The following CCDC82 variants were observed in gnomAD, a reference collection of about 807,000 sequenced individuals.
CCDC82 encodes the protein coiled-coil domain containing 82, also known as coiled-coil domain-containing protein 82.
Under a neutral mutation model 60.6 loss-of-function variants are expected in CCDC82, and 47 were observed. The observed-to-expected ratio is 0.77, with a 90% CI of 0.61 to 0.99. The LOEUF is 0.99. Among genes scored for constraint, CCDC82 ranks in the 50% least tolerant of loss-of-function variants. The pLI is 0.00. For missense variants in CCDC82, 588 were observed against 633.0 expected (o/e 0.93, Z 0.76); for synonymous variants, 212 against 207.4 (o/e 1.02, Z -0.19).
intron 3 of CCDC82, chr11:96,385,720 T>C (rs1250999321): frequency 6.6e-6 from 1 of 152,146 alleles, no homozygotes; most frequent in African/African-American, 2.4e-5. Context: ...AAACAAAAGC[T>C]GTCAGTTTAT....
At position 96,359,067 on chromosome 11, in the gene CCDC82, C is replaced by A; in HGVS notation, c.1492G>T (p.Val498Phe). 1 of 1,606,650 alleles carries A rather than the reference C, an allele frequency of 6.2e-7. No individual in the cohort carries two copies. The highest frequency in any genetic ancestry group is 8.5e-7 in the Non-Finnish European group (1 of 1,178,148). Residue 498 changes from valine to phenylalanine, a missense_variant, in exon 9 of 10, where the codon GTT becomes TTT. By Grantham distance (50) the Val-to-Phe change is conservative (BLOSUM62 -1). Coordinates refer to ENST00000646818, the MANE Select transcript of CCDC82 (RefSeq NM_024725.4). ...ECCTIAMTEE[V>F]EDEQVKETVE... ...GTTTCTTTAACTTGTTCATCTTCAACTTCTTCTGTCATTGCAATGGTGCAA... is the reference window on the plus strand; with the variant it reads ...GTTTCTTTAACTTGTTCATCTTCAAATTCTTCTGTCATTGCAATGGTGCAA...
chr11:96,371,543 C>T (rs942852679), intron 6 of CCDC82, among the ~76,000 whole-genome samples: 2 of 152,256 alleles, frequency 1.3e-5, no homozygotes, highest in Non-Finnish European at 2.9e-5. Flanking sequence ...GATCGCACCA[C>T]TGTACTCCAG....
At chr11:96,388,118 T>G (rs2136229088) in intron 1 of CCDC82, 1 of 152,346 alleles carries the variant, frequency 6.6e-6, no homozygotes, top group South Asian at 2.1e-4. Flanking sequence ...AAAGACACTT[T>G]GAATATGTTT....
At chr11:96,370,330 C>A (rs1865193043) in intron 7 of CCDC82, among the ~76,000 whole-genome samples, 1 of 152,082 alleles carries the variant, frequency 6.6e-6, no homozygotes, top group South Asian at 2.1e-4. Context: ...CCTTACAAAT[C>A]ATATAGTACA....
chr11:96,365,396 C>A (rs958084122), intron 7 of CCDC82, among the ~76,000 whole-genome samples: 5 of 152,126 alleles, frequency 3.3e-5, no homozygotes, highest in African/African-American at 1.2e-4. Context: ...AGTTTCATAT[C>A]TCTTACACTT....
At chr11:96,375,483 T>G (rs1865522406) in intron 5 of CCDC82, among the ~76,000 whole-genome samples, 2 of 152,202 alleles carry the variant, frequency 1.3e-5, no homozygotes, top group Admixed American at 1.3e-4. Context: ...GGTGGTGGGT[T>G]AATGCTCCTG....
Position 96,353,574 on chromosome 11 carries a change from T to A in CCDC82, c.*72A>T. 4 of 1,128,744 alleles carry A rather than the reference T, an allele frequency of 3.5e-6. No individual in the cohort carries two copies. Among genetic ancestry groups the A allele is most frequent in the Admixed American group, 1.8e-5 (1 of 56,592 alleles). The allele number at this position is 1,128,744 out of a possible 1,614,324, so 69.9% of individuals were successfully genotyped here. A position where few individuals can be genotyped will look rare whatever the true frequency, so the allele number is the denominator to read the frequency against. ...AGATAAAATGTACAAACATGTCACATGATACAGAAAAACAAGAATCATGAT... is the reference window on the plus strand; with the variant it reads ...AGATAAAATGTACAAACATGTCACAAGATACAGAAAAACAAGAATCATGAT... On this transcript the variant is annotated 3_prime_UTR_variant, in exon 10 of 10. Transcript: ENST00000646818.
chr11:96,364,754 ACT>A (rs1565305258), intron 8 of CCDC82: 5 of 423,686 alleles, frequency 1.2e-5, no homozygotes, highest in Non-Finnish European at 2.1e-5. Flanking sequence ...ATTGCTCTAG[ACT>A]CTGACATACT....
chr11:96,354,802 G>A (rs1451641519), intron 9 of CCDC82: 1 of 152,176 alleles, frequency 6.6e-6, no homozygotes, highest in Non-Finnish European at 1.5e-5. Flanking sequence ...TTATTTCAGT[G>A]AGGGGATTAA....
chr11:96,369,388 C>G lies in CCDC82; in HGVS notation c.1209+1625G>C, dbSNP rs138960897. ...CTTTCCTCAAAAAGCTTAATCATTT[C>G]TCACTTTAGATTTAAAGTGAGAGAC... On this transcript the variant is annotated intron_variant, in intron 7 of 9. Transcript: ENST00000646818. 4.4e-3 allele frequency among the ~76,000 whole-genome samples: 665 copies of G among 152,316 alleles called. 2 individuals are homozygous for G. Among genetic ancestry groups the G allele is most frequent in the Non-Finnish European group, 7.6e-3 (517 of 68,018 alleles).
In CCDC82 at chr11:96,359,147, C is replaced by T. The variant is rs374755193; in HGVS notation, c.1412G>A (p.Arg471His). 66 of 1,579,228 alleles carry T rather than the reference C, an allele frequency of 4.2e-5. No homozygotes were observed. The highest frequency in any genetic ancestry group is 5.2e-5 in the Non-Finnish European group (61 of 1,169,514). The change falls in exon 9 of 10, where the codon CGT becomes CAT. Residue 471 changes from arginine to histidine, a missense_variant. Coordinates refer to ENST00000646818, the MANE Select transcript of CCDC82 (RefSeq NM_024725.4). ...VFTVGRICAS[R>H]TRIYHKLKHF... ...TTTCAGTTTATGATAAATTCTGGTA[C>T]GGCTGGCACAAATTCTGCCAACAGT...
intron 8 of CCDC82, among the ~76,000 whole-genome samples, chr11:96,361,894 T>G (rs1864680585): frequency 1.3e-5 from 2 of 152,172 alleles, no homozygotes; most frequent in Admixed American, 1.3e-4. Flanking sequence ...GAAAAATAGG[T>G]GCTGTGGTGA....
chr11:96,368,141 T>C (rs964838250), intron 7 of CCDC82, among the ~76,000 whole-genome samples: 5 of 152,114 alleles, frequency 3.3e-5, no homozygotes, highest in African/African-American at 1.2e-4. Context: ...TCCTAAATAA[T>C]AAAACTTGAA....
At chr11:96,365,206 A>T (rs564053665) in intron 7 of CCDC82, 56 bp from the exon 8 acceptor site, 3 of 1,191,176 alleles carry the variant, frequency 2.5e-6, no homozygotes, top group Non-Finnish European at 3.5e-6. Context: ...AAATAAAAGT[A>T]AGAATCTAAC....
chr11:96,384,595 A>G lies in CCDC82; in HGVS notation c.153T>C (p.Ser51=), dbSNP rs1866081450. ...DEELDSEEFD[S]DEELDSDESF... ...TTTCATCACTATCAAGCTCTTCATC[A>G]CTATCAAATTCTTCACTATCAAGCT... is the stretch of plus-strand genomic sequence containing the variant. Residue 51 remains serine, a synonymous_variant, in exon 4 of 10, where the codon AGT becomes AGC. Coordinates refer to ENST00000646818, the MANE Select transcript of CCDC82 (RefSeq NM_024725.4). 2 of 1,613,486 alleles carry G rather than the reference A, an allele frequency of 1.2e-6. No homozygotes were observed. The highest frequency in any genetic ancestry group is 4.5e-5 in the East Asian group (2 of 44,838).
At chr11:96,361,578 T>C (rs753474142) in intron 8 of CCDC82, among the ~76,000 whole-genome samples, 2 of 152,172 alleles carry the variant, frequency 1.3e-5, no homozygotes, top group Non-Finnish European at 2.9e-5. Flanking sequence ...CAGAAAACAG[T>C]AGATGCAAAG....
chr11:96,354,683 A>C (rs183380608), intron 9 of CCDC82: 11 of 152,370 alleles, frequency 7.2e-5, no homozygotes, highest in African/African-American at 2.6e-4. Context: ...AGAATGATTT[A>C]GAGATTTCAA....
At position 96,383,402 on chromosome 11, in the gene CCDC82, A is replaced by C; in HGVS notation, c.858T>G (p.Ser286=). ...TAATATAATCATCTCCATCTTCATC[A>C]GATTCATAATTATCCTCTTCTTCCT... The part of the protein sequence containing the change: ...DEEEEEDNYE[S]DEDGDDYIID... The change falls in exon 5 of 10, where the codon TCT becomes TCG. Residue 286 remains serine, a synonymous_variant. Transcript: ENST00000646818. 6.2e-7 allele frequency: 1 copy of C among 1,602,264 alleles called. No homozygotes were observed. Among genetic ancestry groups the C allele is most frequent in the East Asian group, 2.2e-5 (1 of 44,588 alleles).
intron 5 of CCDC82, among the ~76,000 whole-genome samples, chr11:96,374,408 T>C (rs966900113): frequency 6.6e-6 from 1 of 152,218 alleles, no homozygotes; most frequent in Non-Finnish European, 1.5e-5. Context: ...CTCAAAGGGC[T>C]GTATAACTCT....
Sources: gnomAD v4.1 joint callset for allele counts (sites outside exome capture counted in the v4.1 genomes callset) on GRCh38, gnomAD v4.1.1 for gene constraint, MANE v1.5 for transcripts, NCBI Gene and HGNC (gene_info 2026-07-23, HGNC 2026-07-21) for gene names.